Variants in DLX5 observed in about 807,000 individuals in gnomAD.
DLX5 encodes the protein homeobox protein DLX-5.
Under a neutral mutation model 27.1 loss-of-function variants are expected in DLX5, and 8 were observed. The ratio of observed to expected loss-of-function variants is 0.30; its 90% CI spans 0.17 to 0.53. DLX5 has a LOEUF of 0.53. Among genes scored for constraint, DLX5 ranks in the 20% least tolerant of loss-of-function variants. The pLI is 0.95. For missense variants in DLX5, 339 were observed against 375.1 expected (o/e 0.90, Z 0.80); for synonymous variants, 178 against 161.9 (o/e 1.10, Z -0.75).
At chr7:97,021,797 C>T (rs541052054) in intron 2 of DLX5, among the ~76,000 whole-genome samples, 23 of 152,272 alleles carry the variant, frequency 1.5e-4, no homozygotes, top group African/African-American at 5.5e-4. Flanking sequence ...CTGAGACCAC[C>T]GCGAGAACAC....
intron 1 of DLX5, 26 bp from the exon 2 acceptor site, chr7:97,022,395 A>T: frequency 6.2e-7 from 1 of 1,611,540 alleles, no homozygotes; most frequent in Non-Finnish European, 8.5e-7. Context: ...AGACTCAGTT[A>T]AAGCTTGTCA....
intron 1 of DLX5, chr7:97,022,686 G>T: frequency 2.7e-6 from 2 of 737,924 alleles, no homozygotes; most frequent in African/African-American, 1.9e-5. Flanking sequence ...TTGTTTTTAC[G>T]CCCACCCTGT....
rs756330186 is a variant in DLX5 at position 97,024,470 on chromosome 7, C to G, written c.154G>C (p.Gly52Arg). The G allele has an allele frequency of 9.3e-6, 15 of 1,613,958 alleles. No homozygotes were observed. Among genetic ancestry groups the G allele is most frequent in the South Asian group, 2.2e-5 (2 of 91,094 alleles). The part of the protein sequence containing the change: ...ATDSDYYSPT[G>R]GAPHGYCSPT... ...GAGCAGTAGCCGTGCGGGGCTCCCC[C>G]CGTAGGGCTGTAGTAGTCAGAATCG... The change falls in exon 1 of 3, where the codon GGG becomes CGG. Residue 52 changes from glycine to arginine, a missense_variant. Coordinates refer to ENST00000648378, the MANE Select transcript of DLX5 (RefSeq NM_005221.6). This position sits in a 1 kb window ranked among gnomAD's most constrained non-coding sequence, Gnocchi z 4.6.
intron 1 of DLX5, among the ~76,000 whole-genome samples, chr7:97,022,868 G>T (rs1362649414): frequency 3.9e-5 from 6 of 152,158 alleles, no homozygotes; most frequent in Non-Finnish European, 8.8e-5. Context: ...AAAGTTCAAA[G>T]ACCCACAAGC....
At position 97,024,431 on chromosome 7, in the gene DLX5, A is replaced by G; in HGVS notation, c.193T>C (p.Ser65Pro). 6.2e-7 allele frequency: 1 copy of G among 1,614,238 alleles called. No individual in the cohort carries two copies. Among genetic ancestry groups the G allele is most frequent in the Non-Finnish European group, 8.5e-7 (1 of 1,180,052 alleles). ...TAGGGGTTGAGAGCTTTGCCATAGG[A>G]AGCCGAGGTAGGAGAGCAGTAGCCG... ...PHGYCSPTSA[S>P]YGKALNPYQY... The change falls in exon 1 of 3, where the codon TCC becomes CCC. Residue 65 changes from serine to proline, a missense_variant. Around this residue, in one of 3 missense-constraint regions of DLX5, gnomAD observed 188 missense variants for 206.1 expected, o/e 0.91. Coordinates refer to ENST00000648378, the MANE Select transcript of DLX5 (RefSeq NM_005221.6). The surrounding 1 kb of genome is among the most constrained non-coding windows in gnomAD (Gnocchi z 4.6).
intron 1 of DLX5, among the ~76,000 whole-genome samples, chr7:97,023,376 C>T (rs529761753): frequency 7.2e-6 from 1 of 139,602 alleles, no homozygotes; most frequent in Admixed American, 7.0e-5. Flanking sequence ...GTGTGTGTGT[C>T]AAGTTCCAGG....
At position 97,024,635 on chromosome 7, in the gene DLX5, G is replaced by C. The variant is rs1790145148; in HGVS notation, c.-12C>G. 1.3e-6 allele frequency: 2 copies of C among 1,574,912 alleles called. No individual in the cohort carries two copies. The highest frequency in any genetic ancestry group is 1.7e-6 in the Non-Finnish European group (2 of 1,157,932). On this transcript the variant is annotated 5_prime_UTR_variant, in exon 1 of 3. Transcript: ENST00000648378. This position sits in a 1 kb window ranked among gnomAD's most constrained non-coding sequence, Gnocchi z 4.6. The stretch of plus-strand genomic sequence containing the variant: ...AACACTCCTGTCATCGCTCACGGGC[G>C]GCGGCAGCGGCTGTCCTTGCTGTTG...
At chr7:97,022,402 G>C in intron 1 of DLX5, 33 bp from the exon 2 acceptor site, 9 of 1,610,172 alleles carry the variant, frequency 5.6e-6, no homozygotes, top group Non-Finnish European at 7.6e-6. Flanking sequence ...GTTAAAGCTT[G>C]TCACCAGACA....
At position 97,020,573 on chromosome 7, in the gene DLX5, G is replaced by C; in HGVS notation, c.*163C>G. The C allele has an allele frequency of 1.6e-6, 1 of 633,340 alleles. No homozygotes were observed. 39.2% of individuals were successfully genotyped at this position (633,340 alleles called of 1,614,324 possible). Reference sequence around the variant, plus strand: ...GCAAAAAAAGTCCTCTGTAAAAAAAGGGGGGGTCTTTTGAAATGCAATAAC... The same window carrying C: ...GCAAAAAAAGTCCTCTGTAAAAAAACGGGGGGTCTTTTGAAATGCAATAAC... On this transcript the variant is annotated 3_prime_UTR_variant, in exon 3 of 3. Coordinates refer to ENST00000648378, the MANE Select transcript of DLX5 (RefSeq NM_005221.6).
At position 97,024,691 on chromosome 7, in the gene DLX5, G is replaced by C. The variant is rs1790146095; in HGVS notation, c.-68C>G. The C allele has an allele frequency of 2.9e-6, 4 of 1,356,026 alleles. No individual in the cohort carries two copies. Among genetic ancestry groups the C allele is most frequent in the African/African-American group, 2.9e-5 (2 of 69,474 alleles). The allele number at this position is 1,356,026 out of a possible 1,614,324, so 84.0% of individuals were successfully genotyped here. A position where few individuals can be genotyped will look rare whatever the true frequency, so the allele number is the denominator to read the frequency against. ...GCGGCAGCTGCCCTAGTTGGCTGTG[G>C]GGCTGCTCTGGTCTAAGCAGACATG... is the stretch of plus-strand genomic sequence containing the variant. On this transcript the variant is annotated 5_prime_UTR_variant, in exon 1 of 3. Transcript: ENST00000648378. The surrounding 1 kb of genome is among the most constrained non-coding windows in gnomAD (Gnocchi z 4.6).
In DLX5 at chr7:97,024,631, G is replaced by C; in HGVS notation, c.-8C>G. On this transcript the variant is annotated 5_prime_UTR_variant, in exon 1 of 3. Transcript: ENST00000648378. This position sits in a 1 kb window ranked among gnomAD's most constrained non-coding sequence, Gnocchi z 4.6. ...GTCAAACACTCCTGTCATCGCTCAC[G>C]GGCGGCGGCAGCGGCTGTCCTTGCT... The C allele has an allele frequency of 2.5e-6, 4 of 1,579,782 alleles. No individual in the cohort carries two copies. Among genetic ancestry groups the C allele is most frequent in the Non-Finnish European group, 2.6e-6 (3 of 1,160,668 alleles).
Position 97,024,336 on chromosome 7 carries a change from G to GCTAT in DLX5, c.284_287dup (p.Ser96ArgfsTer2). 1 of 1,614,216 alleles carries GCTAT rather than the reference G, an allele frequency of 6.2e-7. No homozygotes were observed. Among genetic ancestry groups the GCTAT allele is most frequent in the Non-Finnish European group, 8.5e-7 (1 of 1,180,056 alleles). ...CGTACTGGTGGTAGGAGCTAGCGTA[G>GCTAT]CTATAGTCGGCATAAGCTTTGGCTG... On this transcript the variant is annotated stop_gained and frameshift_variant, in exon 1 of 3. Transcript: ENST00000648378. LOFTEE classifies it high-confidence loss of function. This position sits in a 1 kb window ranked among gnomAD's most constrained non-coding sequence, Gnocchi z 4.6.
Position 97,024,352 on chromosome 7 carries a change from G to C in DLX5, c.272C>G (p.Ala91Gly). 1 of 1,614,260 alleles carries C rather than the reference G, an allele frequency of 6.2e-7. No individual in the cohort carries two copies. The highest frequency in any genetic ancestry group is 8.5e-7 in the Non-Finnish European group (1 of 1,180,056). ...GCTAGCGTAGCTATAGTCGGCATAA[G>C]CTTTGGCTGGGTAGCTCCCGGCGGA... ...NGSAGSYPAK[A>G]YADYSYASSY... The change falls in exon 1 of 3, where the codon GCT (alanine) becomes GGT (glycine). Residue 91 changes from alanine (A) to glycine (G), a missense_variant. Ala to Gly is a moderately conservative substitution (Grantham distance 60, BLOSUM62 0). Coordinates refer to ENST00000648378, the MANE Select transcript of DLX5 (RefSeq NM_005221.6). This position sits in a 1 kb window ranked among gnomAD's most constrained non-coding sequence, Gnocchi z 4.6.
rs990496727 is a variant in DLX5 at position 97,024,781 on chromosome 7, G to T, written c.-158C>A. 3.1e-6 allele frequency: 2 copies of T among 648,904 alleles called. No homozygotes were observed. The highest frequency in any genetic ancestry group is 5.2e-6 in the Non-Finnish European group (2 of 383,910). The allele number at this position is 648,904 out of a possible 1,614,324, so 40.2% of individuals were successfully genotyped here. ...AGAAGGAGGAGGCGGCGGCCGCGGC[G>T]AGGAGGAGACTGGGAGTCGTGAAGT... On this transcript the variant is annotated 5_prime_UTR_variant, in exon 1 of 3. Transcript: ENST00000648378. The surrounding 1 kb of genome is among the most constrained non-coding windows in gnomAD (Gnocchi z 4.6).
chr7:97,022,644 A>G (rs1200676735), intron 1 of DLX5: 2 of 976,888 alleles, frequency 2.0e-6, no homozygotes, highest in Non-Finnish European at 2.4e-6. Context: ...TCTGGGATTC[A>G]GCTCTTGCGG....
intron 2 of DLX5, 31 bp downstream of exon 2, chr7:97,022,154 C>G: frequency 6.2e-7 from 1 of 1,613,242 alleles, no homozygotes; most frequent in African/African-American, 1.3e-5. Context: ...GCAGCTCAGG[C>G]AGGTCTAGTG....
intron 2 of DLX5, among the ~76,000 whole-genome samples, chr7:97,021,756 C>T (rs1002470621): frequency 6.6e-6 from 1 of 152,216 alleles, no homozygotes; most frequent in Non-Finnish European, 1.5e-5. Context: ...AGTTTCTCCG[C>T]TCCAGGCGAC....
chr7:97,022,904 A>G (rs111564934), intron 1 of DLX5, among the ~76,000 whole-genome samples: 4,090 of 152,188 alleles, frequency 0.027, 76 homozygotes, highest in Middle Eastern at 0.061. Context: ...TTCAGCAGCA[A>G]GCGGTCGGGG....
rs2115920147 is a variant in DLX5 at position 97,024,602 on chromosome 7, T to G, written c.22A>C (p.Arg8=). The G allele has an allele frequency of 6.2e-7, 1 of 1,601,246 alleles. No individual in the cohort carries two copies. Among genetic ancestry groups the G allele is most frequent in the South Asian group, 1.1e-5 (1 of 89,904 alleles). Residue 8 remains arginine (R), a synonymous_variant, in exon 1 of 3, where the codon AGG becomes CGG. Coordinates refer to ENST00000648378, the MANE Select transcript of DLX5 (RefSeq NM_005221.6). This position sits in a 1 kb window ranked among gnomAD's most constrained non-coding sequence, Gnocchi z 4.6. MTGVFDR[R]VPSIRSGDFQ... is the part of the protein sequence containing the mutation. ...TCGCCGGATCGGATGCTGGGGACCC[T>G]TCTGTCAAACACTCCTGTCATCGCT...
Sources: allele counts gnomAD v4.1 joint callset (sites outside exome capture counted in the v4.1 genomes callset), GRCh38; gene constraint gnomAD v4.1.1; regional missense constraint gnomAD v4.1.1; non-coding constraint Gnocchi (gnomAD v3.1); transcripts MANE v1.5; gene names NCBI Gene and HGNC (gene_info 2026-07-23, HGNC 2026-07-21).